The following SNTG2 variants were observed in gnomAD, a reference collection of about 807,000 sequenced individuals.
The protein encoded by SNTG2 is syntrophin gamma 2.
In SNTG2, 74 loss-of-function variants were observed where a neutral mutation model predicts 70.9. The observed-to-expected ratio is 1.04, with a 90% confidence interval of 0.86 to 1.27. The LOEUF is 1.27. Among genes scored for constraint, SNTG2 ranks in the 50% most tolerant of loss-of-function variants. The pLI, the probability that SNTG2 is intolerant of heterozygous loss-of-function variation, is 0.00. For missense variants in SNTG2, 717 were observed against 690.7 expected (o/e 1.04, Z -0.43); for synonymous variants, 278 against 273.8 (o/e 1.02, Z -0.15).
chr2:967,784 G>T (rs6548288), intron 1 of SNTG2, among the ~76,000 whole-genome samples: 52,145 of 152,024 alleles, frequency 0.34, 9,694 homozygotes, highest in Middle Eastern at 0.47. Context: ...ATCCCAGCAC[G>T]TTGGGAGGCC....
At chr2:1,110,587 T>C (rs1666376934) in intron 4 of SNTG2, among the ~76,000 whole-genome samples, 1 of 152,106 alleles carries the variant, frequency 6.6e-6, no homozygotes, top group African/African-American at 2.4e-5. Flanking sequence ...GCCCCCATTG[T>C]CCCTCAGAAA....
At chr2:1,279,165 T>C (rs1453768171) in intron 14 of SNTG2, among the ~76,000 whole-genome samples, 1 of 151,738 alleles carries the variant, frequency 6.6e-6, no homozygotes, top group Non-Finnish European at 1.5e-5. Flanking sequence ...GCATCCAGGC[T>C]GCACACCACC....
intron 9 of SNTG2, among the ~76,000 whole-genome samples, chr2:1,221,372 T>TGTCTCTCTGC (rs1323061100): frequency 1.2e-4 from 18 of 149,672 alleles, no homozygotes; most frequent in African/African-American, 4.6e-4. Context: ...CCTCTCTCTG[T>TGTCTCTCTGC]GTCTCTCTGC....
intron 2 of SNTG2, among the ~76,000 whole-genome samples, chr2:1,085,031 T>G (rs1432204737): frequency 6.6e-6 from 1 of 152,206 alleles, no homozygotes; most frequent in African/African-American, 2.4e-5. Flanking sequence ...AAGAGGCCAC[T>G]GTCGGTCTTC....
intron 8 of SNTG2, among the ~76,000 whole-genome samples, chr2:1,204,204 T>G (rs1473836454): frequency 6.6e-6 from 1 of 152,202 alleles, no homozygotes. Context: ...AGAAATACTC[T>G]GTTTCATAAT....
intron 1 of SNTG2, among the ~76,000 whole-genome samples, chr2:1,069,575 G>A (rs189360027): frequency 2.6e-5 from 4 of 151,548 alleles, no homozygotes; most frequent in Admixed American, 6.6e-5. Context: ...GGGAGATCAC[G>A]AGGTCAAGAG....
At chr2:1,037,325 G>A (rs926066743) in intron 1 of SNTG2, among the ~76,000 whole-genome samples, 2 of 152,196 alleles carry the variant, frequency 1.3e-5, no homozygotes, top group Admixed American at 1.3e-4. Context: ...CTCTGAAGGA[G>A]GAATCCACAT....
intron 1 of SNTG2, among the ~76,000 whole-genome samples, chr2:1,006,591 A>G (rs1659579206): frequency 6.6e-6 from 1 of 152,192 alleles, no homozygotes; most frequent in African/African-American, 2.4e-5. Flanking sequence ...CCAACTGTGG[A>G]TGGAATGCAT....
rs527508555 is a variant in SNTG2 at position 1,063,025 on chromosome 2, CTG to C, written c.73-20491_73-20490del. On this transcript the variant is annotated intron_variant, in intron 1 of 16. Transcript: ENST00000308624. ...TCTACTGTTCGTTGATATGAAATAA[CTG>C]TAAAAAACTTAATTGTCCTTACACT... 1.1e-3 allele frequency among the ~76,000 whole-genome samples: 166 copies of C among 152,282 alleles called. 1 individual carries two copies. The highest frequency in any genetic ancestry group is 3.8e-3 in the African/African-American group (159 of 41,550).
intron 16 of SNTG2, among the ~76,000 whole-genome samples, chr2:1,330,281 T>C (rs985945787): frequency 2.0e-5 from 3 of 152,246 alleles, no homozygotes; most frequent in African/African-American, 7.2e-5. Context: ...AAATTAATTC[T>C]TATACATATT....
At chr2:1,358,150 A>C (rs9677878) in intron 16 of SNTG2, among the ~76,000 whole-genome samples, 109,602 of 151,882 alleles carry the variant, frequency 0.72, 39,845 homozygotes, top group East Asian at 0.94. Context: ...TAGCGGAACC[A>C]ATCCTCATGC....
intron 16 of SNTG2, among the ~76,000 whole-genome samples, chr2:1,322,804 G>A (rs1018632625): frequency 1.2e-4 from 18 of 152,072 alleles, no homozygotes; most frequent in East Asian, 3.9e-4. Context: ...CACTTTGCAC[G>A]TGGGAACCTG....
At chr2:1,341,714 G>A (rs1660099573) in intron 16 of SNTG2, 1 of 152,246 alleles carries the variant, frequency 6.6e-6, no homozygotes, top group African/African-American at 2.4e-5. Flanking sequence ...ACTTGGGAGA[G>A]AAACAAGACA....
At chr2:966,966 C>CA (rs138414205) in intron 1 of SNTG2, among the ~76,000 whole-genome samples, 50,132 of 147,404 alleles carry the variant, frequency 0.34, 8,875 homozygotes, top group Middle Eastern at 0.47. Flanking sequence ...AACAAACAAA[C>CA]AAAAAAACAA....
chr2:1,021,279 A>G (rs574228436), intron 1 of SNTG2, among the ~76,000 whole-genome samples: 1 of 152,314 alleles, frequency 6.6e-6, no homozygotes, highest in African/African-American at 2.4e-5. Context: ...AGGAGGTTCA[A>G]GCTGGTTTCT....
chr2:1,342,380 G>C (rs532816215), intron 16 of SNTG2, among the ~76,000 whole-genome samples: 6,714 of 53,014 alleles, frequency 0.13, 355 homozygotes, highest in East Asian at 0.23. Context: ...TTCTGGGCAC[G>C]CCTGGCCCAG....
At chr2:1,033,240 A>C (rs1398106139) in intron 1 of SNTG2, among the ~76,000 whole-genome samples, 2 of 152,254 alleles carry the variant, frequency 1.3e-5, no homozygotes, top group African/African-American at 4.8e-5. Context: ...GTGATGCTAA[A>C]CAGTGGCCAC....
chr2:1,194,750 T>C (rs1672801289), intron 8 of SNTG2, among the ~76,000 whole-genome samples: 2 of 152,162 alleles, frequency 1.3e-5, no homozygotes, highest in Non-Finnish European at 2.9e-5. Flanking sequence ...TATTATACTT[T>C]AAGTTCTGGG....
In SNTG2 at chr2:1,221,809, C is replaced by G. The variant is rs1241434625; in HGVS notation, c.719+12579C>G. Among the ~76,000 whole-genome samples the G allele has an allele frequency of 2.7e-3, 17 of 6,328 alleles. 1 individual carries two copies. The highest frequency in any genetic ancestry group is 4.1e-3 in the Non-Finnish European group (15 of 3,640). The allele number at this position is 6,328 out of a possible 152,430, so 4.2% of individuals were successfully genotyped here. The stretch of plus-strand genomic sequence containing the variant: ...TCTGTCTCTGTCTGTCTCTGTCTCT[C>G]TCTCGGTCTCTGTCTCTCTCTGTCT... On this transcript the variant is annotated intron_variant, in intron 9 of 16. Coordinates refer to ENST00000308624, the MANE Select transcript of SNTG2 (RefSeq NM_018968.4).
Sources: gnomAD v4.1 joint callset for allele counts (sites outside exome capture counted in the v4.1 genomes callset) on GRCh38, gnomAD v4.1.1 for gene constraint, MANE v1.5 for transcripts, NCBI Gene and HGNC (gene_info 2026-07-23, HGNC 2026-07-21) for gene names.